The following ZNF217 variants were observed in gnomAD, a reference collection of about 807,000 sequenced individuals.
ZNF217 encodes the protein zinc finger protein 217.
A neutral mutation model predicts 73.3 loss-of-function variants in ZNF217; 12 were observed. The observed-to-expected ratio is 0.16, with a 90% CI of 0.10 to 0.27. The LOEUF (loss-of-function observed/expected upper bound fraction) is 0.27. ZNF217 is among the 10% of genes least tolerant of loss of function. The pLI, the probability that ZNF217 is intolerant of heterozygous loss-of-function variation, is 1.00. For synonymous variants in ZNF217, 588 were observed against 516.4 expected (o/e 1.14, Z -1.88); for missense variants, 1,195 against 1,327.8 (o/e 0.90, Z 1.55).
intron 3 of ZNF217, among the ~76,000 whole-genome samples, chr20:53,577,669 C>T (rs1239591723): frequency 6.6e-6 from 1 of 152,194 alleles, no homozygotes; most frequent in Non-Finnish European, 1.5e-5. Context: ...GATGTCATAG[C>T]TCCTTTCACA....
At chr20:53,571,172 A>C (rs1987981345) in intron 5 of ZNF217, among the ~76,000 whole-genome samples, 1 of 152,186 alleles carries the variant, frequency 6.6e-6, no homozygotes. Flanking sequence ...AACAGAATTA[A>C]ATGAGATCCT....
In ZNF217 at chr20:53,576,963, C is replaced by T. The variant is rs547656629; in HGVS notation, c.1801G>A (p.Asp601Asn). Residue 601 changes from aspartate to asparagine, a missense_variant, in exon 4 of 6, where the codon GAT becomes AAT. Coordinates refer to ENST00000371471, the MANE Select transcript of ZNF217 (RefSeq NM_006526.3). ...VLSPAHKDTQ[D>N]FHKNAADDSA... Reference sequence around the variant, plus strand: ...TCATCAGCTGCATTTTTATGGAAATCCTGAGTATCTTTGTGTGCTGGTGAG... The same window carrying T: ...TCATCAGCTGCATTTTTATGGAAATTCTGAGTATCTTTGTGTGCTGGTGAG... 3 of 1,614,004 alleles carry T rather than the reference C, an allele frequency of 1.9e-6. No individual in the cohort carries two copies. Among genetic ancestry groups the T allele is most frequent in the African/African-American group, 1.3e-5 (1 of 74,904 alleles).
intron 2 of ZNF217, among the ~76,000 whole-genome samples, chr20:53,578,768 G>T (rs756996204): frequency 6.6e-6 from 1 of 152,174 alleles, no homozygotes; most frequent in Non-Finnish European, 1.5e-5. Context: ...GCAGCTTCCG[G>T]TTCTCAGTGT....
intron 5 of ZNF217, chr20:53,570,151 T>A (rs1334972749): frequency 6.6e-6 from 1 of 152,416 alleles, no homozygotes; most frequent in East Asian, 1.9e-4. Flanking sequence ...AACCTGTTAC[T>A]AAAATCTGCT....
intron 4 of ZNF217, chr20:53,574,542 C>G (rs1435899488): frequency 3.3e-5 from 5 of 152,338 alleles, no homozygotes; most frequent in Non-Finnish European, 7.3e-5. Flanking sequence ...CACCTGTAAT[C>G]CCAGTACTTT....
intron 3 of ZNF217, among the ~76,000 whole-genome samples, chr20:53,577,847 G>A (rs1195685350): frequency 1.3e-5 from 2 of 152,182 alleles, no homozygotes; most frequent in Non-Finnish European, 2.9e-5. Context: ...TGTAATCCCA[G>A]CACTATGGGA....
intron 5 of ZNF217, among the ~76,000 whole-genome samples, chr20:53,569,668 G>A (rs1211752770): frequency 6.6e-6 from 1 of 152,206 alleles, no homozygotes; most frequent in East Asian, 1.9e-4. Flanking sequence ...ACAGGCATGA[G>A]CCACTGCGCC....
At chr20:53,572,421 A>AG (rs80251146) in intron 4 of ZNF217, among the ~76,000 whole-genome samples, 3 of 147,780 alleles carry the variant, frequency 2.0e-5, no homozygotes, top group East Asian at 4.0e-4. Context: ...CTCACAGAGG[A>AG]GGGGAAAAAA....
At position 53,576,627 on chromosome 20, in the gene ZNF217, G is replaced by C; in HGVS notation, c.2137C>G (p.Pro713Ala). The change falls in exon 4 of 6, where the codon CCA (proline) becomes GCA (alanine). Residue 713 changes from proline to alanine, a missense_variant. Pro to Ala is a conservative substitution (Grantham distance 27). Around this residue, in one of 9 missense-constraint regions of ZNF217, gnomAD observed 649 missense variants for 642.8 expected, o/e 1.01. Transcript: ENST00000371471. Reference protein sequence around the residue: ...SKSLIPSITCPFCTFKTFYPE... With the variant: ...SKSLIPSITCAFCTFKTFYPE... ...TAAAATGTCTTGAAGGTACAAAATG[G>C]ACAGGTGATACTTGGAATCAAACTT... 1 of 1,614,234 alleles carries C rather than the reference G, an allele frequency of 6.2e-7. No homozygotes were observed. The highest frequency in any genetic ancestry group is 8.5e-7 in the Non-Finnish European group (1 of 1,180,050).
intron 1 of ZNF217, among the ~76,000 whole-genome samples, chr20:53,589,498 G>A (rs1988808855): frequency 6.6e-6 from 1 of 152,226 alleles, no homozygotes; most frequent in Non-Finnish European, 1.5e-5. Context: ...ATATGTGGCG[G>A]CAGCTGGCTA....
chr20:53,574,794 CAAAAAAAAAAA>C (rs71194500), intron 4 of ZNF217: 1 of 105,456 alleles, frequency 9.5e-6, no homozygotes, highest in African/African-American at 4.5e-5. Context: ...AACTCCGTCT[CAAAAAAAAAAA>C]AAAAAAGAAA....
chr20:53,575,612 C>T, intron 4 of ZNF217, 115 bp downstream of exon 4: 1 of 1,048,482 alleles, frequency 9.5e-7, no homozygotes, highest in Non-Finnish European at 1.3e-6. Flanking sequence ...CCCCCAAGAA[C>T]TTCTGGCTGC....
At chr20:53,587,877 G>GT (rs1046332657) in intron 1 of ZNF217, among the ~76,000 whole-genome samples, 3 of 150,000 alleles carry the variant, frequency 2.0e-5, no homozygotes, top group Non-Finnish European at 4.4e-5. Flanking sequence ...AAAGCTACAG[G>GT]TTTTTTTATT....
chr20:53,594,591 G>A (rs930414687), upstream of ZNF217, among the ~76,000 whole-genome samples: 236 of 151,442 alleles, frequency 1.6e-3, no homozygotes, highest in South Asian at 3.3e-3. Context: ...CCGGCTTAAC[G>A]TGGCGGGCGC....
chr20:53,581,933 A>G lies in ZNF217; in HGVS notation c.894T>C (p.Ala298=), dbSNP rs34873389. The change falls in exon 2 of 6, where the codon GCT becomes GCC. Residue 298 remains alanine, a synonymous_variant. Transcript: ENST00000371471. This position sits in a 1 kb window ranked among gnomAD's most constrained non-coding sequence, Gnocchi z 4.9. ...CTTTTCCTTTGGTAGCCAGCTGCCAAGCCTGGAAGGTGGTGAACGGATCGA... is the reference window on the plus strand; with the variant it reads ...CTTTTCCTTTGGTAGCCAGCTGCCAGGCCTGGAAGGTGGTGAACGGATCGA... The part of the protein sequence containing the change: ...PQLDPFTTFQ[A]WQLATKGKVA... The G allele has an allele frequency of 0.022, 35,333 of 1,614,192 alleles. 471 individuals carry two copies. Among genetic ancestry groups the G allele is most frequent in the Non-Finnish European group, 0.026 (30,869 of 1,180,022 alleles).
upstream of ZNF217, among the ~76,000 whole-genome samples, chr20:53,594,036 A>ACCC (rs558490926): frequency 3.9e-5 from 5 of 129,850 alleles, no homozygotes; most frequent in African/African-American, 1.5e-4. Flanking sequence ...CGCCTCCAAG[A>ACCC]CCCCCCCCCA....
upstream of ZNF217, chr20:53,597,612 T>A (rs1391744110): frequency 6.7e-6 from 1 of 150,318 alleles, no homozygotes; most frequent in African/African-American, 2.4e-5. Context: ...TATGTATATA[T>A]ATATATAGCA....
Position 53,576,735 on chromosome 20 carries a change from T to C in ZNF217, c.2029A>G (p.Arg677Gly). The C allele has an allele frequency of 6.2e-7, 1 of 1,614,228 alleles. No individual in the cohort carries two copies. Among genetic ancestry groups the C allele is most frequent in the Non-Finnish European group, 8.5e-7 (1 of 1,180,042 alleles). The change falls in exon 4 of 6, where the codon AGG becomes GGG. Residue 677 changes from arginine (R) to glycine (G), a missense_variant. By Grantham distance (125) the Arg-to-Gly change is moderately radical. This residue lies in a region of ZNF217 where 649 missense variants were observed against 642.8 expected (regional missense o/e 1.01). Coordinates refer to ENST00000371471, the MANE Select transcript of ZNF217 (RefSeq NM_006526.3). ...TTTTCGTGACAATCCACACTTGGCC[T>C]GTATCTGCAGTCAGCTGCGGTCTCC... ...QTETAADCRY[R>G]PSVDCHEKPL... is the part of the protein sequence containing the mutation.
At chr20:53,592,635 G>T (rs1386141587) in intron 1 of ZNF217, among the ~76,000 whole-genome samples, 1 of 150,978 alleles carries the variant, frequency 6.6e-6, no homozygotes, top group Non-Finnish European at 1.5e-5. Context: ...AGGTTCCGGC[G>T]CGCGCCCCGC....
Sources: allele counts gnomAD v4.1 joint callset (sites outside exome capture counted in the v4.1 genomes callset), GRCh38; gene constraint gnomAD v4.1.1; regional missense constraint gnomAD v4.1.1; non-coding constraint Gnocchi (gnomAD v3.1); transcripts MANE v1.5; gene names NCBI Gene and HGNC (gene_info 2026-07-23, HGNC 2026-07-21).